Variants in NLK observed in about 807,000 individuals in gnomAD.
NLK encodes nemo like kinase, also known as serine/threonine-protein kinase NLK.
In NLK, 11 loss-of-function variants were observed where a neutral mutation model predicts 59.0. The observed-to-expected ratio is 0.19, with a 90% CI of 0.12 to 0.31. NLK has a LOEUF of 0.31. Ranked by LOEUF, NLK falls within the 10% of genes least tolerant of loss-of-function variation. The pLI, the probability that NLK is intolerant of heterozygous loss-of-function variation, is 1.00. For missense variants in NLK, 410 were observed against 661.1 expected, an observed-to-expected ratio of 0.62 and a Z score of 4.16; for synonymous variants, 235 against 235.9, an observed-to-expected ratio of 1.00 and a Z score of 0.03.
intron 2 of NLK, among the ~76,000 whole-genome samples, chr17:28,125,495 C>G (rs958764605): frequency 3.3e-5 from 5 of 152,122 alleles, no homozygotes; most frequent in African/African-American, 7.2e-5. Flanking sequence ...TAAACCTGCT[C>G]AACACACAAC....
intron 2 of NLK, among the ~76,000 whole-genome samples, chr17:28,127,234 T>C (rs1292321833): frequency 1.3e-5 from 2 of 152,136 alleles, no homozygotes; most frequent in Admixed American, 1.3e-4. Flanking sequence ...ATCTCTCTCT[T>C]GGGGTTACTT....
chr17:28,180,441 G>A (rs540166547), intron 7 of NLK, among the ~76,000 whole-genome samples: 1 of 152,226 alleles, frequency 6.6e-6, no homozygotes, highest in South Asian at 2.1e-4. Context: ...AACTAACCCA[G>A]GCCCTGACAT....
At chr17:28,173,350 A>G (rs748858095) in intron 7 of NLK, among the ~76,000 whole-genome samples, 3 of 152,140 alleles carry the variant, frequency 2.0e-5, no homozygotes, top group Admixed American at 6.5e-5. Flanking sequence ...GTTTCTTTTG[A>G]ATTGGACGTT....
chr17:28,159,815 C>G (rs1907930061), intron 3 of NLK, among the ~76,000 whole-genome samples: 1 of 152,122 alleles, frequency 6.6e-6, no homozygotes, highest in African/African-American at 2.4e-5. Context: ...AGAAATCTAG[C>G]AGTCTTGGGC....
chr17:28,135,747 A>G (rs897298031), intron 3 of NLK, among the ~76,000 whole-genome samples: 17 of 152,228 alleles, frequency 1.1e-4, no homozygotes, highest in African/African-American at 3.9e-4. Context: ...GGTTCTCTTC[A>G]TTGAACACTT....
the NLK span, among the ~76,000 whole-genome samples, chr17:28,204,812 G>T: frequency 1.3e-5 from 2 of 152,206 alleles, no homozygotes; most frequent in Non-Finnish European, 2.9e-5. Flanking sequence ...AACACGAAAT[G>T]ATGTCTGCCA....
intron 4 of NLK, among the ~76,000 whole-genome samples, chr17:28,162,654 T>C (rs1908059000): frequency 6.6e-6 from 1 of 152,024 alleles, no homozygotes; most frequent in Admixed American, 6.5e-5. Flanking sequence ...ACAAAAACGT[T>C]CACCTCTAAG....
At position 28,081,848 on chromosome 17, in the gene NLK, C is replaced by T. The variant is rs1910357794; in HGVS notation, c.458+38517C>T. 2.0e-5 allele frequency among the ~76,000 whole-genome samples: 3 copies of T among 152,084 alleles called. No individual in the cohort carries two copies. In the South Asian group the frequency reaches 6.2e-4, roughly 32 times the overall value. The stretch of plus-strand genomic sequence containing the variant: ...TCATCACTGAACACTTGTCAGTTGC[C>T]CAAAGGGACACTTCTCCTCTCTGAA... On this transcript the variant is annotated intron_variant, in intron 1 of 10. Transcript: ENST00000407008.
intron 1 of NLK, among the ~76,000 whole-genome samples, chr17:28,083,292 A>C (rs1296701567): frequency 6.6e-6 from 1 of 152,220 alleles, no homozygotes; most frequent in Non-Finnish European, 1.5e-5. Flanking sequence ...TTGAATGAAT[A>C]AACATGTATC....
chr17:28,053,077 C>G (rs1327462585), intron 1 of NLK, among the ~76,000 whole-genome samples: 1 of 151,902 alleles, frequency 6.6e-6, no homozygotes, highest in Admixed American at 6.6e-5. Flanking sequence ...CACCTGGCCT[C>G]TCTTTGGCTT....
intron 3 of NLK, among the ~76,000 whole-genome samples, chr17:28,158,756 A>G (rs944272481): frequency 1.2e-4 from 18 of 152,082 alleles, no homozygotes; most frequent in Non-Finnish European, 2.1e-4. Context: ...CAGTGTCCTC[A>G]ATAACTGCTA....
Position 28,194,863 on chromosome 17 carries a change from A to T in NLK, c.*227A>T, listed in dbSNP as rs1909428461. On this transcript the variant is annotated 3_prime_UTR_variant, in exon 11 of 11. Transcript: ENST00000407008. ...AAAAATATTTTACCCAGAGTTGCAC[A>T]TGTTTTATGAATTTAGTGCAGCTGT... 1.3e-5 allele frequency: 5 copies of T among 380,674 alleles called. No homozygotes were observed. 23.6% of individuals were successfully genotyped at this position (380,674 alleles called of 1,614,324 possible).
intron 7 of NLK, among the ~76,000 whole-genome samples, chr17:28,182,457 CCTGTTTATGTTG>C (rs760959901): frequency 3.2e-4 from 48 of 152,244 alleles, no homozygotes; most frequent in Non-Finnish European, 1.6e-4. Flanking sequence ...CCACATGAGA[CCTGTTTATGTTG>C]CTGTTCATGC....
At chr17:28,079,188 T>C (rs1910263559) in intron 1 of NLK, among the ~76,000 whole-genome samples, 1 of 152,250 alleles carries the variant, frequency 6.6e-6, no homozygotes, top group Non-Finnish European at 1.5e-5. Context: ...TCATCTATGA[T>C]GTAGCATATG....
At chr17:28,098,979 G>T (rs1904806286) in intron 1 of NLK, among the ~76,000 whole-genome samples, 1 of 151,930 alleles carries the variant, frequency 6.6e-6, no homozygotes, top group South Asian at 2.1e-4. Context: ...ACCGTGCCTG[G>T]CTTTCATTAC....
chr17:28,141,945 G>A (rs1470288041), intron 3 of NLK, among the ~76,000 whole-genome samples: 2 of 152,148 alleles, frequency 1.3e-5, no homozygotes, highest in East Asian at 1.9e-4. Flanking sequence ...ATGTACATAT[G>A]CATTTGCTTT....
At chr17:28,052,888 G>GT (rs768444319) in intron 1 of NLK, among the ~76,000 whole-genome samples, 4,049 of 112,446 alleles carry the variant, frequency 0.036, 107 homozygotes, top group Non-Finnish European at 0.039. Flanking sequence ...GATCTCTGGT[G>GT]TTTTTTTTTT....
intron 1 of NLK, chr17:28,048,436 A>C (rs753594643): frequency 6.6e-6 from 1 of 152,606 alleles, no homozygotes; most frequent in Non-Finnish European, 1.5e-5. Context: ...CTTTCAAGCA[A>C]GTTAGAACAA....
intron 3 of NLK, among the ~76,000 whole-genome samples, chr17:28,147,650 G>A (rs904506821): frequency 6.6e-6 from 1 of 152,054 alleles, no homozygotes. Flanking sequence ...TTAATTCTAA[G>A]CAACCCTCTC....
Sources: allele counts gnomAD v4.1 joint callset (sites outside exome capture counted in the v4.1 genomes callset), GRCh38; gene constraint gnomAD v4.1.1; transcripts MANE v1.5; gene names NCBI Gene and HGNC (gene_info 2026-07-23, HGNC 2026-07-21).